C4orf51: variants seen among roughly 807,000 people sequenced by gnomAD.
C4orf51 encodes the protein chromosome 4 open reading frame 51, also known as uncharacterized protein C4orf51.
C4orf51 carries 25 observed loss-of-function variants against 25.2 expected under a neutral mutation model. The observed-to-expected ratio is 0.99, with a 90% confidence interval of 0.72 to 1.39. The LOEUF (loss-of-function observed/expected upper bound fraction) is 1.39, where lower values mean the gene tolerates loss of function less well. C4orf51 is among the 40% of genes most tolerant of loss of function. C4orf51 has a pLI of 0.00. For synonymous variants in C4orf51, 100 were observed against 84.5 expected (o/e 1.18, Z -1.01); for missense variants, 252 against 239.6 (o/e 1.05, Z -0.34).
downstream of C4orf51, among the ~76,000 whole-genome samples, chr4:145,772,133 A>G (rs74486264): frequency 0.046 from 7,019 of 152,252 alleles, 525 homozygotes; most frequent in African/African-American, 0.16. Context: ...AGCAAGGGCC[A>G]CATCTGAATA....
In C4orf51 at chr4:145,696,462, A is replaced by T. The variant is rs1344763013; in HGVS notation, c.234-97A>T. 3.9e-6 allele frequency: 4 copies of T among 1,036,606 alleles called. No individual in the cohort carries two copies. In the African/African-American group the frequency reaches 4.8e-5, roughly 12 times the overall value. The allele number at this position is 1,036,606 out of a possible 1,614,324, so 64.2% of individuals were successfully genotyped here. A position where few individuals can be genotyped will look rare whatever the true frequency, so the allele number is the denominator to read the frequency against. ...CTCCCAAACCTAAAATGAAAGTTTT[A>T]AAAAAAGATGAATGGAAATCCCTGT... is the stretch of plus-strand genomic sequence containing the variant. On this transcript the variant is annotated intron_variant, in intron 1 of 5. Coordinates refer to ENST00000438731, the MANE Select transcript of C4orf51 (RefSeq NM_001080531.3).
chr4:145,710,549 A>G (rs1731074266), intron 2 of C4orf51, among the ~76,000 whole-genome samples: 1 of 152,082 alleles, frequency 6.6e-6, no homozygotes, highest in Non-Finnish European at 1.5e-5. Context: ...TTACCAGTCA[A>G]ATGTCCCTAG....
At chr4:145,719,877 A>G (rs952964822) in intron 2 of C4orf51, among the ~76,000 whole-genome samples, 3 of 152,118 alleles carry the variant, frequency 2.0e-5, no homozygotes, top group Non-Finnish European at 4.4e-5. Context: ...TTGCGGGGAG[A>G]AGAAAAGAGG....
chr4:145,746,157 C>T (rs137894471), intron 1 of C4orf51, among the ~76,000 whole-genome samples: 15 of 147,750 alleles, frequency 1.0e-4, no homozygotes, highest in African/African-American at 3.4e-4. Context: ...ATGTTTTCTC[C>T]CATTCTGTGG....
chr4:145,696,667 C>CT (rs565121288), intron 2 of C4orf51, 35 bp downstream of exon 2: 534 of 1,498,554 alleles, frequency 3.6e-4, no homozygotes, highest in Admixed American at 4.9e-4. Context: ...GGGCCCAGCC[C>CT]TTTTGCCAGG....
chr4:145,725,157 C>T (rs958952525), intron 2 of C4orf51, among the ~76,000 whole-genome samples: 2 of 151,156 alleles, frequency 1.3e-5, no homozygotes, highest in East Asian at 1.9e-4. Context: ...AACCAAACAC[C>T]GCCTGTTCCC....
chr4:145,774,342 T>C (rs1343117718), downstream of C4orf51, among the ~76,000 whole-genome samples: 1 of 152,190 alleles, frequency 6.6e-6, no homozygotes, highest in African/African-American at 2.4e-5. Context: ...AACAGTATTA[T>C]GACTACAGGG....
chr4:145,693,993 AGCT>A (rs1729830688), intron 1 of C4orf51, among the ~76,000 whole-genome samples: 1 of 71,738 alleles, frequency 1.4e-5, no homozygotes, highest in Admixed American at 1.5e-4. Flanking sequence ...CAGACGGGGC[AGCT>A]GCCGGGCGGA....
chr4:145,681,657 G>A (rs544047818), intron 1 of C4orf51, among the ~76,000 whole-genome samples: 1 of 152,256 alleles, frequency 6.6e-6, no homozygotes, highest in Non-Finnish European at 1.5e-5. Flanking sequence ...AGAATGAGTA[G>A]TCCAAGAACA....
chr4:145,753,975 C>A (rs75130641), intron 1 of C4orf51, among the ~76,000 whole-genome samples: 1 of 152,198 alleles, frequency 6.6e-6, no homozygotes, highest in Admixed American at 6.5e-5. Flanking sequence ...CATTTCTTAG[C>A]ATCATGACAC....
chr4:145,769,656 TGG>T (rs1735944053), intron 1 of C4orf51, among the ~76,000 whole-genome samples: 1 of 152,154 alleles, frequency 6.6e-6, no homozygotes, highest in South Asian at 2.1e-4. Context: ...GCTATGTCTG[TGG>T]AAAGAGCCAG....
chr4:145,734,536 A>G (rs1255813067), downstream of C4orf51, among the ~76,000 whole-genome samples: 1 of 152,150 alleles, frequency 6.6e-6, no homozygotes, highest in Non-Finnish European at 1.5e-5. Context: ...CCGCAGTCCC[A>G]TCTCTGTCCT....
rs181177062 is a variant in C4orf51, at chr4:145,745,934, T to G, written n.168-8273T>G. On this transcript the variant is annotated intron_variant and non_coding_transcript_variant, in intron 1 of 1. Transcript: ENST00000508981. ...AGCCATTTTAACTTGGGCGAGATGA[T>G]ATCTCATTGTAGTTTTGGTTTGCAT... Among the ~76,000 whole-genome samples the G allele has an allele frequency of 1.2e-3, 182 of 152,348 alleles. 2 individuals carry two copies. The highest frequency in any genetic ancestry group is 4.3e-3 in the African/African-American group (177 of 41,590).
chr4:145,745,018 T>C (rs1468679212), intron 1 of C4orf51, among the ~76,000 whole-genome samples: 1 of 152,226 alleles, frequency 6.6e-6, no homozygotes. Flanking sequence ...TCATACATTT[T>C]CATCAATCTG....
rs75293122 is a variant in C4orf51 at position 145,748,663 on chromosome 4, T to C, written n.168-5544T>C. Among the ~76,000 whole-genome samples, 673 of 152,292 alleles carry C rather than the reference T, an allele frequency of 4.4e-3. 3 individuals are homozygous for C. The highest frequency in any genetic ancestry group is 0.012 in the African/African-American group (494 of 41,568). On this transcript the variant is annotated intron_variant and non_coding_transcript_variant, in intron 1 of 1. Transcript: ENST00000508981. ...ACCGACCATTCAGAAACATATTGTT[T>C]GATTTCTATGTATTTGTATAGTTTC...
At position 145,726,961 on chromosome 4, in the gene C4orf51, C is replaced by T. The variant is rs1361168029; in HGVS notation, c.358C>T (p.His120Tyr). 6.2e-7 allele frequency: 1 copy of T among 1,612,790 alleles called. No individual in the cohort carries two copies. Among genetic ancestry groups the T allele is most frequent in the Admixed American group, 1.7e-5 (1 of 60,012 alleles). The change falls in exon 3 of 6, where the codon CAT becomes TAT. Residue 120 changes from histidine to tyrosine, a missense_variant. Transcript: ENST00000438731. ...RPFKKSFDVK[H>Y]GVAHQIWDFG... Reference sequence around the variant, plus strand: ...CTTTAAAAAGTCATTTGATGTCAAGCATGGAGTGGTAAGCCCAACATTTCT... The same window carrying T: ...CTTTAAAAAGTCATTTGATGTCAAGTATGGAGTGGTAAGCCCAACATTTCT...
intron 1 of C4orf51, among the ~76,000 whole-genome samples, chr4:145,686,813 T>TAATGAA (rs1347002620): frequency 6.6e-6 from 1 of 152,224 alleles, no homozygotes; most frequent in Non-Finnish European, 1.5e-5. Flanking sequence ...GAAATTATCA[T>TAATGAA]AATGAAGCAC....
intron 1 of C4orf51, among the ~76,000 whole-genome samples, chr4:145,752,235 G>A (rs1201505260): frequency 6.6e-6 from 1 of 152,108 alleles, no homozygotes; most frequent in African/African-American, 2.4e-5. Flanking sequence ...CTCACAGTAG[G>A]CACCACAGCT....
chr4:145,713,271 A>G (rs1043718916), intron 2 of C4orf51, among the ~76,000 whole-genome samples: 2 of 152,256 alleles, frequency 1.3e-5, no homozygotes, highest in Non-Finnish European at 2.9e-5. Flanking sequence ...TATGGACACC[A>G]TAGATAATGA....
Sources: allele counts gnomAD v4.1 joint callset (sites outside exome capture counted in the v4.1 genomes callset), GRCh38; gene constraint gnomAD v4.1.1; transcripts MANE v1.5; gene names NCBI Gene and HGNC (gene_info 2026-07-23, HGNC 2026-07-21).